The following CDH8 variants were observed in gnomAD, a reference collection of about 807,000 sequenced individuals.
CDH8 encodes the protein cadherin-8.
A neutral mutation model predicts 68.1 loss-of-function variants in CDH8; 17 were observed. The ratio of observed to expected loss-of-function variants is 0.25; its 90% confidence interval spans 0.17 to 0.37. The LOEUF is 0.37. Ranked by LOEUF, CDH8 falls within the 10% of genes least tolerant of loss-of-function variation. CDH8 has a pLI of 1.00. For missense variants in CDH8, 763 were observed against 999.3 expected (o/e 0.76, Z 3.19); for synonymous variants, 372 against 365.1 (o/e 1.02, Z -0.21).
chr16:61,713,199 C>T (rs2142868004), intron 10 of CDH8, among the ~76,000 whole-genome samples: 1 of 151,620 alleles, frequency 6.6e-6, no homozygotes, highest in Non-Finnish European at 1.5e-5. Context: ...ATGGCTTTCA[C>T]ATATAATAAA....
chr16:61,711,960 G>T (rs533975659), intron 10 of CDH8, among the ~76,000 whole-genome samples: 1 of 151,742 alleles, frequency 6.6e-6, no homozygotes, highest in East Asian at 1.9e-4. Flanking sequence ...TCTGTTTCAA[G>T]TTATTTTTCA....
At chr16:61,849,329 A>G (rs1430890772) in intron 4 of CDH8, among the ~76,000 whole-genome samples, 1 of 152,078 alleles carries the variant, frequency 6.6e-6, no homozygotes, top group Non-Finnish European at 1.5e-5. Context: ...AAGAAAAAAA[A>G]AAAGGAAATT....
intron 4 of CDH8, among the ~76,000 whole-genome samples, chr16:61,826,409 G>A (rs909761280): frequency 6.6e-6 from 1 of 151,590 alleles, no homozygotes; most frequent in African/African-American, 2.4e-5. Flanking sequence ...ACTTAACTCT[G>A]TCATAAGATG....
intron 1 of CDH8, among the ~76,000 whole-genome samples, chr16:62,021,812 A>G (rs1902082394): frequency 6.6e-6 from 1 of 152,156 alleles, no homozygotes; most frequent in Admixed American, 6.6e-5. Context: ...ATTGGTAGCT[A>G]TGTGACCTAT....
intron 10 of CDH8, among the ~76,000 whole-genome samples, chr16:61,694,881 A>C (rs12448248): frequency 0.05 from 7,554 of 151,940 alleles, 502 homozygotes; most frequent in East Asian, 0.27. Flanking sequence ...TCCTGGGTTC[A>C]CGTGATTCTC....
chr16:61,964,424 A>T (rs1050521545), intron 2 of CDH8, among the ~76,000 whole-genome samples: 3 of 152,118 alleles, frequency 2.0e-5, no homozygotes, highest in Non-Finnish European at 4.4e-5. Flanking sequence ...AGACACTCCA[A>T]TTCACATAAC....
At chr16:61,725,785 A>G (rs1437591740) in intron 9 of CDH8, 1 of 151,046 alleles carries the variant, frequency 6.6e-6, no homozygotes, top group Non-Finnish European at 1.5e-5. Context: ...AGAATATTAT[A>G]AAAATAAACC....
At chr16:61,966,758 C>T (rs1157447671) in intron 2 of CDH8, among the ~76,000 whole-genome samples, 2 of 152,120 alleles carry the variant, frequency 1.3e-5, no homozygotes, top group Admixed American at 6.5e-5. Context: ...AAACAATGAG[C>T]AATTTTTAAT....
chr16:61,931,956 C>T (rs191639265), intron 2 of CDH8, among the ~76,000 whole-genome samples: 98 of 152,178 alleles, frequency 6.4e-4, no homozygotes, highest in African/African-American at 2.3e-3. Context: ...CCCTGTAATC[C>T]CAGCACTTTG....
At chr16:61,689,152 A>G (rs1964167291) in intron 10 of CDH8, among the ~76,000 whole-genome samples, 1 of 151,986 alleles carries the variant, frequency 6.6e-6, no homozygotes, top group Admixed American at 6.6e-5. Context: ...CCTTTATTTC[A>G]TTTCACAGTT....
At chr16:61,860,026 T>C (rs1963121784) in intron 3 of CDH8, among the ~76,000 whole-genome samples, 1 of 152,140 alleles carries the variant, frequency 6.6e-6, no homozygotes, top group Admixed American at 6.6e-5. Context: ...GTATTTTTAG[T>C]AGACACGTTT....
chr16:61,983,879 C>CTTTATTTTAT lies in CDH8; in HGVS notation c.252+37263_252+37272dup, dbSNP rs199945282. ...AGGAGAGAAAGCTCTGGTGTTTCCT[C>CTTTATTTTAT]TTTATTTTATTTTATTTTATTTTAT... On this transcript the variant is annotated intron_variant, in intron 2 of 11. Transcript: ENST00000577390. Among the ~76,000 whole-genome samples the CTTTATTTTAT allele has an allele frequency of 3.2e-3, 445 of 140,460 alleles. 4 individuals are homozygous for CTTTATTTTAT. The highest frequency in any genetic ancestry group is 7.9e-3 in the African/African-American group (300 of 38,200). 92.1% of individuals were successfully genotyped at this position (140,460 alleles called of 152,430 possible).
intron 7 of CDH8, among the ~76,000 whole-genome samples, chr16:61,801,184 T>A (rs1961617939): frequency 6.6e-6 from 1 of 152,228 alleles, no homozygotes; most frequent in Admixed American, 6.5e-5. Flanking sequence ...GTGCAATCTC[T>A]ACCACCTTAG....
chr16:61,762,185 T>C (rs1485425951), intron 8 of CDH8, among the ~76,000 whole-genome samples: 4 of 152,170 alleles, frequency 2.6e-5, no homozygotes, highest in Non-Finnish European at 5.9e-5. Context: ...TGTGGTAAAA[T>C]TGCACAGAAC....
At chr16:61,880,594 G>A (rs1414112037) in intron 3 of CDH8, among the ~76,000 whole-genome samples, 4 of 152,170 alleles carry the variant, frequency 2.6e-5, no homozygotes, top group Admixed American at 1.3e-4. Flanking sequence ...TGACTTCACA[G>A]TTGAGAAGTA....
At chr16:61,707,172 TA>T (rs1419919348) in intron 10 of CDH8, among the ~76,000 whole-genome samples, 1 of 152,188 alleles carries the variant, frequency 6.6e-6, no homozygotes, top group Non-Finnish European at 1.5e-5. Context: ...TTAATATTTT[TA>T]TTTGTTGCAT....
intron 8 of CDH8, among the ~76,000 whole-genome samples, chr16:61,750,642 A>G (rs1960136623): frequency 6.6e-6 from 1 of 152,104 alleles, no homozygotes; most frequent in African/African-American, 2.4e-5. Context: ...CCTCCAACTA[A>G]ATTATTAATC....
intron 10 of CDH8, among the ~76,000 whole-genome samples, chr16:61,669,440 T>C (rs1020742709): frequency 5.3e-5 from 8 of 152,098 alleles, no homozygotes; most frequent in African/African-American, 1.9e-4. Flanking sequence ...AAAGTTTGCC[T>C]TTTTAGTACG....
At position 61,900,365 on chromosome 16, in the gene CDH8, T is replaced by TA. The variant is rs1417804624; in HGVS notation, c.547+813dup. 2.0e-5 allele frequency among the ~76,000 whole-genome samples: 3 copies of TA among 152,170 alleles called. No individual in the cohort carries two copies. The East Asian group carries it at 5.8e-4, about 29-fold the overall frequency. ...AAACTTGGATATGTACTACACATTT[T>TA]AAAAAATGGCTTTTGTAATCTTATA... is the stretch of plus-strand genomic sequence containing the variant. On this transcript the variant is annotated intron_variant, in intron 3 of 11. Coordinates refer to ENST00000577390, the MANE Select transcript of CDH8 (RefSeq NM_001796.5).
Sources: allele counts gnomAD v4.1 joint callset (sites outside exome capture counted in the v4.1 genomes callset), GRCh38; gene constraint gnomAD v4.1.1; transcripts MANE v1.5; gene names NCBI Gene and HGNC (gene_info 2026-07-23, HGNC 2026-07-21).